Variants in EXOC2 observed in about 807,000 individuals in gnomAD.
EXOC2 encodes SEC5-like 1.
EXOC2 carries 70 observed loss-of-function variants against 131.8 expected under a neutral mutation model. The observed-to-expected ratio is 0.53, with a 90% CI of 0.44 to 0.65. The LOEUF (loss-of-function observed/expected upper bound fraction) is 0.65, where lower values mean the gene tolerates loss of function less well. Among genes scored for constraint, EXOC2 ranks in the 30% least tolerant of loss-of-function variants. EXOC2 has a pLI of 0.00. For synonymous variants in EXOC2, 411 were observed against 398.4 expected, an observed-to-expected ratio of 1.03 and a Z score of -0.38; for missense variants, 923 against 1,108.6, an observed-to-expected ratio of 0.83 and a Z score of 2.38.
At position 494,402 on chromosome 6, in the gene EXOC2, A is replaced by C. The variant is rs548676036; in HGVS notation, c.2559+2965T>G. On this transcript the variant is annotated intron_variant, in intron 25 of 27. Coordinates refer to ENST00000230449, the MANE Select transcript of EXOC2 (RefSeq NM_018303.6). ...CAGTCCTGTAGTTCTGATCCACTTCAGTGTGCATATCATTAACTACAGTGG... is the reference window on the plus strand; with the variant it reads ...CAGTCCTGTAGTTCTGATCCACTTCCGTGTGCATATCATTAACTACAGTGG... Among the ~76,000 whole-genome samples, 275 of 151,342 alleles carry C rather than the reference A, an allele frequency of 1.8e-3. 1 individual carries two copies. The highest frequency in any genetic ancestry group is 6.3e-3 in the African/African-American group (261 of 41,308).
intron 1 of EXOC2, among the ~76,000 whole-genome samples, chr6:686,269 C>A (rs191384783): frequency 8.5e-5 from 13 of 152,148 alleles, no homozygotes; most frequent in East Asian, 5.8e-4. Context: ...GCCTCCTGGA[C>A]CTCTTTTTAT....
At chr6:589,941 C>T (rs929504306) in intron 11 of EXOC2, among the ~76,000 whole-genome samples, 9 of 152,254 alleles carry the variant, frequency 5.9e-5, no homozygotes, top group South Asian at 2.1e-4. Flanking sequence ...GGTGAAACCC[C>T]GTCTCTACTA....
rs545546278 is a variant in EXOC2 at position 495,370 on chromosome 6, C to T, written c.2559+1997G>A. On this transcript the variant is annotated intron_variant, in intron 25 of 27. Transcript: ENST00000230449. ...CGATCTCCTGACCTCGTGATCCGCC[C>T]GCCTCGGCCTCCCAAAGTGCTGGGA... Among the ~76,000 whole-genome samples the T allele has an allele frequency of 1.0e-3, 158 of 151,438 alleles. 1 individual carries two copies. Among genetic ancestry groups the T allele is most frequent in the African/African-American group, 3.4e-3 (141 of 41,230 alleles).
At chr6:566,582 G>T (rs573597125) in intron 13 of EXOC2, among the ~76,000 whole-genome samples, 2 of 152,228 alleles carry the variant, frequency 1.3e-5, no homozygotes, top group Non-Finnish European at 2.9e-5. Context: ...GAATCAGAAC[G>T]TGGTTGGTGG....
At chr6:673,460 T>C (rs1012387876) in intron 1 of EXOC2, among the ~76,000 whole-genome samples, 2 of 152,084 alleles carry the variant, frequency 1.3e-5, no homozygotes, top group African/African-American at 4.8e-5. Flanking sequence ...TTCAGAAATA[T>C]AAAGTGCAAT....
At chr6:603,324 C>T (rs1334223107) in intron 7 of EXOC2, among the ~76,000 whole-genome samples, 3 of 152,218 alleles carry the variant, frequency 2.0e-5, no homozygotes, top group Non-Finnish European at 1.5e-5. Context: ...TCAATTTCAA[C>T]AGGCTAGAAA....
intron 1 of EXOC2, among the ~76,000 whole-genome samples, chr6:671,248 C>G (rs1581664666): frequency 6.6e-6 from 1 of 150,880 alleles, no homozygotes. Flanking sequence ...TCCCAGCTAC[C>G]TGGGAGGCTG....
intron 27 of EXOC2, among the ~76,000 whole-genome samples, chr6:488,358 C>CG (rs1284093698): frequency 6.6e-6 from 1 of 152,188 alleles, no homozygotes; most frequent in Non-Finnish European, 1.5e-5. Flanking sequence ...TGCCTCAGCT[C>CG]GGGGGAGCCT....
intron 7 of EXOC2, among the ~76,000 whole-genome samples, chr6:600,891 T>C (rs1204742954): frequency 6.6e-6 from 1 of 152,212 alleles, no homozygotes; most frequent in African/African-American, 2.4e-5. Flanking sequence ...AATTTAGAGA[T>C]AACTTCTGTC....
chr6:621,456 G>A (rs1761287818), intron 4 of EXOC2, among the ~76,000 whole-genome samples: 2 of 152,128 alleles, frequency 1.3e-5, no homozygotes, highest in South Asian at 2.1e-4. Context: ...CCTGCACAGC[G>A]AGACGCCACT....
At chr6:646,762 G>A (rs1371023506) in intron 1 of EXOC2, among the ~76,000 whole-genome samples, 1 of 152,144 alleles carries the variant, frequency 6.6e-6, no homozygotes, top group Non-Finnish European at 1.5e-5. Context: ...ATACACTATT[G>A]CTACCTCTTT....
chr6:645,873 G>A (rs1251309011), intron 1 of EXOC2, among the ~76,000 whole-genome samples: 1 of 152,234 alleles, frequency 6.6e-6, no homozygotes, highest in Non-Finnish European at 1.5e-5. Flanking sequence ...AGGTAAGCCT[G>A]AAAGATTCTG....
intron 1 of EXOC2, among the ~76,000 whole-genome samples, chr6:671,553 T>C (rs1763871953): frequency 6.6e-6 from 1 of 152,188 alleles, no homozygotes; most frequent in Admixed American, 6.5e-5. Context: ...CAGATCCAAG[T>C]ATTTGACCTA....
intron 1 of EXOC2, among the ~76,000 whole-genome samples, chr6:660,491 ACC>A (rs932556307): frequency 2.6e-5 from 4 of 152,026 alleles, no homozygotes; most frequent in Non-Finnish European, 4.4e-5. Flanking sequence ...TGTGCAGGCA[ACC>A]CCCAGTACCA....
rs1229205222 is a variant in EXOC2, at chr6:564,804, A to C, written c.1509+60T>G. 7 of 1,584,878 alleles carry C rather than the reference A, an allele frequency of 4.4e-6. No homozygotes were observed. In the African/African-American group the frequency reaches 8.2e-5, roughly 19 times the overall value. ...GCAGTAATGGATGTCTTGAATACAA[A>C]GTGAGAAAGGAAAAACCCTACCCTG... On this transcript the variant is annotated intron_variant, in intron 14 of 27. Transcript: ENST00000230449.
At chr6:631,523 G>A (rs981086651) in intron 3 of EXOC2, among the ~76,000 whole-genome samples, 5 of 151,336 alleles carry the variant, frequency 3.3e-5, no homozygotes, top group Non-Finnish European at 5.9e-5. Context: ...CAGCATGGGC[G>A]ACAGAGCAAG....
chr6:622,641 C>A (rs530379612), intron 4 of EXOC2, among the ~76,000 whole-genome samples: 1 of 152,216 alleles, frequency 6.6e-6, no homozygotes, highest in African/African-American at 2.4e-5. Flanking sequence ...ACACACAGTC[C>A]CCATGGGTCT....
intron 11 of EXOC2, among the ~76,000 whole-genome samples, chr6:586,190 C>G (rs1172030802): frequency 6.6e-6 from 1 of 152,192 alleles, no homozygotes; most frequent in Non-Finnish European, 1.5e-5. Flanking sequence ...CAAGTAAGTA[C>G]TCTGTCACCG....
chr6:583,110 C>A (rs997223761), intron 11 of EXOC2, among the ~76,000 whole-genome samples: 1 of 152,106 alleles, frequency 6.6e-6, no homozygotes, highest in African/African-American at 2.4e-5. Flanking sequence ...AGTCCTATGT[C>A]TTTTAGCAGT....
Sources: allele counts gnomAD v4.1 joint callset (sites outside exome capture counted in the v4.1 genomes callset), GRCh38; gene constraint gnomAD v4.1.1; transcripts MANE v1.5; gene names NCBI Gene and HGNC (gene_info 2026-07-23, HGNC 2026-07-21).